The following SLIT1 variants were observed in gnomAD, a reference collection of about 807,000 sequenced individuals.
The protein encoded by SLIT1 is slit guidance ligand 1, also known as slit homolog 1 protein.
SLIT1 carries 66 observed loss-of-function variants against 186.1 expected under a neutral mutation model. The observed-to-expected ratio is 0.35, with a 90% CI of 0.29 to 0.44. The LOEUF (loss-of-function observed/expected upper bound fraction) is 0.44. Among genes scored for constraint, SLIT1 ranks in the 20% least tolerant of loss-of-function variants. SLIT1 has a pLI of 1.00. For missense variants in SLIT1, 1,638 were observed against 2,037.4 expected (o/e 0.80, Z 3.77); for synonymous variants, 761 against 833.8 (o/e 0.91, Z 1.50).
At chr10:97,056,762 G>T (rs2805595) in intron 12 of SLIT1, among the ~76,000 whole-genome samples, 30 of 85,180 alleles carry the variant, frequency 3.5e-4, no homozygotes, top group Non-Finnish European at 5.2e-4. Flanking sequence ...AGGCATTTTT[G>T]GGGGGGGCTC....
chr10:97,058,026 G>A, intron 11 of SLIT1: 2 of 717,486 alleles, frequency 2.8e-6, no homozygotes, highest in Non-Finnish European at 2.6e-6. Context: ...TTCCTGGAGT[G>A]AGGCACAGCA....
chr10:97,095,703 A>G (rs201415709), intron 4 of SLIT1, among the ~76,000 whole-genome samples: 1 of 152,166 alleles, frequency 6.6e-6, no homozygotes. Flanking sequence ...GCCCAGCTCT[A>G]TGACGGACAT....
chr10:97,175,868 C>T (rs1435813498), intron 1 of SLIT1, among the ~76,000 whole-genome samples: 1 of 152,206 alleles, frequency 6.6e-6, no homozygotes, highest in Admixed American at 6.5e-5. Flanking sequence ...ACGCTCCACC[C>T]CCAGACCAGA....
intron 4 of SLIT1, among the ~76,000 whole-genome samples, chr10:97,124,318 A>T (rs1849585460): frequency 6.6e-6 from 1 of 152,172 alleles, no homozygotes; most frequent in African/African-American, 2.4e-5. Context: ...TGGACATTCA[A>T]AAGTGTTCTT....
At chr10:97,167,738 G>A (rs528987289) in intron 1 of SLIT1, among the ~76,000 whole-genome samples, 71 of 152,306 alleles carry the variant, frequency 4.7e-4, no homozygotes, top group Middle Eastern at 3.4e-3. Flanking sequence ...GGAGGGAGCC[G>A]GTGGGAGGTA....
chr10:97,138,407 C>G (rs1194041754), intron 4 of SLIT1, among the ~76,000 whole-genome samples: 6 of 152,354 alleles, frequency 3.9e-5, no homozygotes, highest in African/African-American at 1.4e-4. Flanking sequence ...TGCACTCTTG[C>G]AGGGAGGCCG....
At position 97,001,196 on chromosome 10, in the gene SLIT1, C is replaced by G. The variant is rs1281212817; in HGVS notation, c.4521G>C (p.Lys1507Asn). The G allele has an allele frequency of 6.2e-7, 1 of 1,613,254 alleles. No homozygotes were observed. Among genetic ancestry groups the G allele is most frequent in the Non-Finnish European group, 8.5e-7 (1 of 1,179,890 alleles). The stretch of plus-strand genomic sequence containing the variant: ...TCCCATCGCTGCACTCAAAGGTGAA[C>G]TTCCTCCGCTTCAGCCGAAGGCCCT... ...CCQGLRLKRR[K>N]FTFECSDGTS... Residue 1507 changes from lysine (K) to asparagine (N), a missense_variant, in exon 37 of 37, where the codon AAG becomes AAC. Lys to Asn is a moderately conservative substitution (Grantham distance 94). Coordinates refer to ENST00000266058, the MANE Select transcript of SLIT1 (RefSeq NM_003061.3).
At chr10:97,060,543 A>G in intron 9 of SLIT1, 97 bp downstream of exon 9, 1 of 1,476,696 alleles carries the variant, frequency 6.8e-7, no homozygotes, top group Non-Finnish European at 9.3e-7. Flanking sequence ...GGTTGGGGCA[A>G]GCCCTGAGGC....
intron 13 of SLIT1, among the ~76,000 whole-genome samples, chr10:97,054,228 A>C (rs1848817523): frequency 6.6e-6 from 1 of 151,818 alleles, no homozygotes; most frequent in Non-Finnish European, 1.5e-5. Context: ...GAGCTCATGC[A>C]AGATCTGATT....
Position 97,006,712 on chromosome 10 carries a change from A to G in SLIT1, c.3350T>C (p.Leu1117Pro). ...CLCAEGYSGQ[L>P]CEIPPHLPAP... ...AGGCAGATGGGGAGGGATCTCACAG[A>G]GCTGTCCACTGAGAGGAAAGGACAT... Residue 1117 changes from leucine (L) to proline (P), a missense_variant, in exon 32 of 37, where the codon CTC becomes CCC. Physicochemically the swap from Leu to Pro is moderately conservative, Grantham distance 98. Coordinates refer to ENST00000266058, the MANE Select transcript of SLIT1 (RefSeq NM_003061.3). This position sits in a 1 kb window ranked among gnomAD's most constrained non-coding sequence, Gnocchi z 4.0. The G allele has an allele frequency of 6.2e-7, 1 of 1,612,748 alleles. No individual in the cohort carries two copies. The highest frequency in any genetic ancestry group is 8.5e-7 in the Non-Finnish European group (1 of 1,178,864).
intron 4 of SLIT1, among the ~76,000 whole-genome samples, chr10:97,126,954 A>T (rs1393734301): frequency 2.6e-5 from 4 of 152,138 alleles, no homozygotes; most frequent in Non-Finnish European, 4.4e-5. Context: ...CAGATACAAC[A>T]TACGGCCAAA....
At position 96,998,492 on chromosome 10, in the gene SLIT1, A is replaced by C. The variant is rs1848268855; in HGVS notation, c.*2620T>G. ...GTATCTCTTCATGCCTAAAATGCAG[A>C]GCGAACTAGGGGTCTTCACAAAGGG... On this transcript the variant is annotated 3_prime_UTR_variant, in exon 37 of 37. Coordinates refer to ENST00000266058, the MANE Select transcript of SLIT1 (RefSeq NM_003061.3). 1 of 152,232 alleles carries C rather than the reference A, an allele frequency of 6.6e-6. No individual in the cohort carries two copies. The highest frequency in any genetic ancestry group is 6.5e-5 in the Admixed American group (1 of 15,278). 9.4% of individuals were successfully genotyped at this position (152,232 alleles called of 1,614,324 possible). A position where few individuals can be genotyped will look rare whatever the true frequency, so the allele number is the denominator to read the frequency against.
intron 30 of SLIT1, among the ~76,000 whole-genome samples, chr10:97,011,697 T>A (rs1441093557): frequency 6.6e-6 from 1 of 152,154 alleles, no homozygotes; most frequent in Non-Finnish European, 1.5e-5. Context: ...TGGGCTCCTG[T>A]CTGCCTATCA....
At chr10:97,089,835 C>T (rs529879812) in intron 4 of SLIT1, among the ~76,000 whole-genome samples, 2 of 152,318 alleles carry the variant, frequency 1.3e-5, no homozygotes, top group African/African-American at 4.8e-5. Context: ...AGGGCAGAAA[C>T]TCTGGAGCCA....
intron 1 of SLIT1, among the ~76,000 whole-genome samples, chr10:97,171,860 G>A (rs961615905): frequency 4.0e-5 from 6 of 150,860 alleles, no homozygotes; most frequent in East Asian, 1.9e-4. Context: ...ACAAGTTCCC[G>A]AGTGGCCTGC....
chr10:97,100,826 G>T (rs1047421499), intron 4 of SLIT1, among the ~76,000 whole-genome samples: 1 of 152,156 alleles, frequency 6.6e-6, no homozygotes, highest in East Asian at 1.9e-4. Flanking sequence ...CCGCTGCCTC[G>T]GCCTTAGGTG....
chr10:97,150,529 C>A (rs1849865539), intron 4 of SLIT1, among the ~76,000 whole-genome samples: 1 of 152,032 alleles, frequency 6.6e-6, no homozygotes, highest in African/African-American at 2.4e-5. Context: ...TATGGTGGTC[C>A]TTACAGCAGG....
chr10:97,058,899 C>A (rs1430834375), intron 11 of SLIT1, among the ~76,000 whole-genome samples: 2 of 152,180 alleles, frequency 1.3e-5, no homozygotes, highest in Admixed American at 6.5e-5. Flanking sequence ...GCTTCACTAC[C>A]TTTTGTATGT....
chr10:97,078,830 G>A (rs888158650), intron 4 of SLIT1, among the ~76,000 whole-genome samples: 2 of 152,240 alleles, frequency 1.3e-5, no homozygotes, highest in South Asian at 4.1e-4. Context: ...TGGGCGCGGA[G>A]ACCTTGGAGG....
Sources: allele counts gnomAD v4.1 joint callset (sites outside exome capture counted in the v4.1 genomes callset), GRCh38; gene constraint gnomAD v4.1.1; non-coding constraint Gnocchi (gnomAD v3.1); transcripts MANE v1.5; gene names NCBI Gene and HGNC (gene_info 2026-07-23, HGNC 2026-07-21).